NDUFAF2: variants seen among roughly 807,000 people sequenced by gnomAD.
NDUFAF2 encodes NADH dehydrogenase [ubiquinone] 1 alpha subcomplex assembly factor 2.
In NDUFAF2, 13 loss-of-function variants were observed where a neutral mutation model predicts 22.8. The ratio of observed to expected loss-of-function variants is 0.57; its 90% CI spans 0.37 to 0.91. The LOEUF (loss-of-function observed/expected upper bound fraction) is 0.91, where lower values mean the gene tolerates loss of function less well. Among genes scored for constraint, NDUFAF2 ranks in the 40% least tolerant of loss-of-function variants. NDUFAF2 has a pLI of 0.01. For synonymous variants in NDUFAF2, 53 were observed against 64.2 expected, an observed-to-expected ratio of 0.83 and a Z score of 0.84; for missense variants, 162 against 195.2, an observed-to-expected ratio of 0.83 and a Z score of 1.01.
chr5:61,010,088 T>G (rs868570684), intron 1 of NDUFAF2, among the ~76,000 whole-genome samples: 1 of 152,096 alleles, frequency 6.6e-6, no homozygotes, highest in African/African-American at 2.4e-5. Context: ...TCAGTACCTC[T>G]ACCCTGGTCT....
At chr5:61,069,658 A>T (rs979539120) in intron 1 of NDUFAF2, among the ~76,000 whole-genome samples, 12 of 152,124 alleles carry the variant, frequency 7.9e-5, no homozygotes, top group African/African-American at 2.7e-4. Context: ...GCTCCTTCCC[A>T]TATCTGTGTC....
intron 1 of NDUFAF2, among the ~76,000 whole-genome samples, chr5:61,004,952 T>G (rs1751346407): frequency 6.6e-6 from 1 of 152,122 alleles, no homozygotes; most frequent in Admixed American, 6.5e-5. Context: ...TTTCTTATTA[T>G]TATAGTTTAA....
chr5:60,946,813 C>T (rs951385332), intron 1 of NDUFAF2, among the ~76,000 whole-genome samples: 4 of 152,150 alleles, frequency 2.6e-5, no homozygotes, highest in Non-Finnish European at 4.4e-5. Context: ...ATTCCCACAC[C>T]CTTTGGCAAC....
chr5:60,948,896 C>T (rs1012669457), intron 1 of NDUFAF2, among the ~76,000 whole-genome samples: 2 of 152,050 alleles, frequency 1.3e-5, no homozygotes, highest in African/African-American at 4.8e-5. Context: ...ACCGTTTTAC[C>T]TTCCCACCAG....
intron 1 of NDUFAF2, among the ~76,000 whole-genome samples, chr5:60,955,748 C>T (rs1426083540): frequency 6.6e-6 from 1 of 152,048 alleles, no homozygotes; most frequent in Non-Finnish European, 1.5e-5. Context: ...GAAAGCATTT[C>T]TTTCATCCAT....
At chr5:60,978,031 C>T (rs1228213002) in intron 1 of NDUFAF2, among the ~76,000 whole-genome samples, 2 of 152,062 alleles carry the variant, frequency 1.3e-5, no homozygotes, top group Non-Finnish European at 2.9e-5. Context: ...GACTCGTCCC[C>T]CATTCCCTGG....
intron 3 of NDUFAF2, among the ~76,000 whole-genome samples, chr5:61,105,117 G>C (rs902919483): frequency 6.8e-6 from 1 of 146,874 alleles, no homozygotes; most frequent in Non-Finnish European, 1.5e-5. Context: ...TGCCATGACA[G>C]TAGTTATACT....
At chr5:61,066,933 G>A (rs546016466) in intron 1 of NDUFAF2, among the ~76,000 whole-genome samples, 87 of 152,208 alleles carry the variant, frequency 5.7e-4, no homozygotes, top group African/African-American at 2.0e-3. Context: ...GGGACAGGAA[G>A]GGGTGGTTGG....
At chr5:61,108,017 T>C (rs295553) in intron 3 of NDUFAF2, among the ~76,000 whole-genome samples, 20,895 of 150,964 alleles carry the variant, frequency 0.14, 1,840 homozygotes, top group South Asian at 0.26. Context: ...TATGGCTGCA[T>C]AGTGACATGA....
chr5:61,123,365 C>T (rs1452585923), intron 3 of NDUFAF2, among the ~76,000 whole-genome samples: 1 of 152,106 alleles, frequency 6.6e-6, no homozygotes, highest in Non-Finnish European at 1.5e-5. Flanking sequence ...CTACTACACA[C>T]CCTGTCTATA....
chr5:61,144,061 T>C (rs1344050020), intron 3 of NDUFAF2, among the ~76,000 whole-genome samples: 1 of 151,760 alleles, frequency 6.6e-6, no homozygotes, highest in Non-Finnish European at 1.5e-5. Flanking sequence ...AGCAAAGTTC[T>C]AATTCCCTAA....
intron 3 of NDUFAF2, among the ~76,000 whole-genome samples, chr5:61,100,536 TACACACAC>T (rs10543246): frequency 6.7e-6 from 1 of 149,792 alleles, no homozygotes; most frequent in East Asian, 2.0e-4. Flanking sequence ...CCCTCCCTAA[TACACACAC>T]ACACACACAC....
chr5:61,142,119 A>G (rs1741068928), intron 3 of NDUFAF2, among the ~76,000 whole-genome samples: 1 of 152,172 alleles, frequency 6.6e-6, no homozygotes, highest in Non-Finnish European at 1.5e-5. Flanking sequence ...GTCTCCCACC[A>G]GGGTAGTTCA....
At chr5:61,114,605 G>A (rs1752887829) in intron 3 of NDUFAF2, 1 of 152,136 alleles carries the variant, frequency 6.6e-6, no homozygotes. Flanking sequence ...CATTCATCGG[G>A]TCTGGGCATT....
chr5:61,045,071 ATTAAAATTTAATAAAATAAAATAAAG>A (rs1561549999), intron 1 of NDUFAF2, among the ~76,000 whole-genome samples: 3 of 142,366 alleles, frequency 2.1e-5, no homozygotes, highest in African/African-American at 7.5e-5. Flanking sequence ...ATAAAGTTTT[ATTAAAATTTAATAAAATAAAATAAAG>A]TTTTATTAAA....
intron 1 of NDUFAF2, among the ~76,000 whole-genome samples, chr5:60,973,386 T>A (rs1244081211): frequency 1.3e-5 from 2 of 152,292 alleles, no homozygotes; most frequent in African/African-American, 4.8e-5. Flanking sequence ...ACTGTTGCCT[T>A]GCTTTCTATG....
At chr5:60,981,994 G>C (rs1018664513) in intron 1 of NDUFAF2, among the ~76,000 whole-genome samples, 3 of 152,084 alleles carry the variant, frequency 2.0e-5, no homozygotes, top group African/African-American at 7.2e-5. Context: ...CAGACTGTAA[G>C]TACTAAAGGA....
chr5:60,984,011 A>G (rs562664444), intron 1 of NDUFAF2, among the ~76,000 whole-genome samples: 1 of 152,030 alleles, frequency 6.6e-6, no homozygotes, highest in Admixed American at 6.5e-5. Flanking sequence ...TTTTCACGAT[A>G]CTGATTCTTC....
chr5:61,070,823 T>C (rs1752288059), intron 1 of NDUFAF2, among the ~76,000 whole-genome samples: 1 of 152,118 alleles, frequency 6.6e-6, no homozygotes, highest in Non-Finnish European at 1.5e-5. Flanking sequence ...TGCTAAACTT[T>C]ATGGATGTAC....
Sources: gnomAD v4.1 joint callset for allele counts (sites outside exome capture counted in the v4.1 genomes callset) on GRCh38, gnomAD v4.1.1 for gene constraint, MANE v1.5 for transcripts, NCBI Gene and HGNC (gene_info 2026-07-23, HGNC 2026-07-21) for gene names.